Variants in COLEC12 observed in about 807,000 individuals in gnomAD.
COLEC12 encodes collectin subfamily member 12, also known as collectin-12.
Under a neutral mutation model 71.1 loss-of-function variants are expected in COLEC12, and 33 were observed. The ratio of observed to expected loss-of-function variants is 0.46; its 90% CI spans 0.35 to 0.62. The LOEUF (loss-of-function observed/expected upper bound fraction) is 0.62, where lower values mean the gene tolerates loss of function less well. Ranked by LOEUF, COLEC12 falls within the 20% of genes least tolerant of loss-of-function variation. The probability of loss-of-function intolerance (pLI) is 0.00; values close to 1 mark genes in which losing one functional copy is unlikely to be tolerated. For synonymous variants in COLEC12, 350 were observed against 353.0 expected (o/e 0.99, Z 0.10); for missense variants, 765 against 916.1 (o/e 0.84, Z 2.13).
chr18:391,251 C>A lies in COLEC12; in HGVS notation c.59-33729G>T, dbSNP rs149930307. Among the ~76,000 whole-genome samples, 1,356 of 152,256 alleles carry A rather than the reference C, an allele frequency of 8.9e-3. 21 individuals are homozygous for A. The highest frequency in any genetic ancestry group is 0.03 in the African/African-American group (1,260 of 41,542). On this transcript the variant is annotated intron_variant, in intron 2 of 9. Coordinates refer to ENST00000400256, the MANE Select transcript of COLEC12 (RefSeq NM_130386.3). ...AAAGAGACTCAGGAGATTACACATT[C>A]TCTTATTTTAGGAGTGTGTGCAGGT...
At chr18:494,753 TG>T (rs1026165922) in intron 1 of COLEC12, among the ~76,000 whole-genome samples, 2 of 152,202 alleles carry the variant, frequency 1.3e-5, no homozygotes, top group Non-Finnish European at 1.5e-5. Flanking sequence ...AGAAAATGAC[TG>T]GGGCAAAAGA....
rs1914376237 is a variant in COLEC12, at chr18:346,565, T to G, written c.1057A>C (p.Thr353Pro). The G allele has an allele frequency of 6.2e-7, 1 of 1,614,126 alleles. No homozygotes were observed. Among genetic ancestry groups the G allele is most frequent in the East Asian group, 2.2e-5 (1 of 44,900 alleles). ...IVNIISNISY[T>P]AHHLRTLTSN... The stretch of plus-strand genomic sequence containing the variant: ...GTCAGCGTCCGCAGGTGGTGGGCTG[T>G]GTAACTGATATTGCTAATGATGTTC... Residue 353 changes from threonine (T) to proline (P), a missense_variant, in exon 5 of 10, where the codon ACA becomes CCA. Coordinates refer to ENST00000400256, the MANE Select transcript of COLEC12 (RefSeq NM_130386.3). This position sits in a 1 kb window ranked among gnomAD's most constrained non-coding sequence, Gnocchi z 4.0.
intron 2 of COLEC12, among the ~76,000 whole-genome samples, chr18:420,109 G>A (rs1198695140): frequency 6.6e-6 from 1 of 152,212 alleles, no homozygotes; most frequent in Non-Finnish European, 1.5e-5. Context: ...TTGTGGCGCA[G>A]AGGAGAGTTG....
intron 2 of COLEC12, among the ~76,000 whole-genome samples, chr18:439,664 CT>C (rs1300454587): frequency 1.3e-5 from 2 of 151,914 alleles, no homozygotes; most frequent in Non-Finnish European, 2.9e-5. Flanking sequence ...GTTAGAATGG[CT>C]GTTATAAAAA....
chr18:409,238 C>A (rs1915845739), intron 2 of COLEC12, among the ~76,000 whole-genome samples: 1 of 152,206 alleles, frequency 6.6e-6, no homozygotes, highest in Admixed American at 6.5e-5. Flanking sequence ...ATGGTTTAGG[C>A]TGTAAAAGAA....
intron 2 of COLEC12, among the ~76,000 whole-genome samples, chr18:407,905 C>G (rs1915821339): frequency 6.6e-6 from 1 of 152,238 alleles, no homozygotes; most frequent in African/African-American, 2.4e-5. Context: ...TGATCAGAAT[C>G]TCTGGGGAGT....
chr18:335,213 C>A lies in COLEC12; in HGVS notation c.1345G>T (p.Gly449Cys). Residue 449 changes from glycine to cysteine, a missense_variant, in exon 6 of 10, where the codon GGT becomes TGT. Coordinates refer to ENST00000400256, the MANE Select transcript of COLEC12 (RefSeq NM_130386.3). ...TGGGATCCTCTGTCACCTCTTGGAC[C>A]CCTGGGGCCCGGTGGACCTAAAGCA... The part of the protein sequence containing the change: ...TILQGPPGPR[G>C]PRGDRGSQGP... The A allele has an allele frequency of 6.3e-7, 1 of 1,598,072 alleles. No homozygotes were observed. Among genetic ancestry groups the A allele is most frequent in the African/African-American group, 1.4e-5 (1 of 73,574 alleles).
intron 2 of COLEC12, among the ~76,000 whole-genome samples, chr18:368,609 A>C (rs565780206): frequency 3.3e-5 from 5 of 152,058 alleles, no homozygotes; most frequent in South Asian, 2.1e-4. Context: ...TCAGGCCTGT[A>C]ATCCCAGAAC....
At chr18:357,219 T>C (rs1397369826) in intron 3 of COLEC12, among the ~76,000 whole-genome samples, 181 bp downstream of exon 3, 3 of 152,184 alleles carry the variant, frequency 2.0e-5, no homozygotes, top group African/African-American at 7.2e-5. Context: ...AATTACTATG[T>C]CCCCCCTTTC....
intron 2 of COLEC12, among the ~76,000 whole-genome samples, chr18:361,783 G>T (rs948299311): frequency 6.6e-6 from 1 of 152,188 alleles, no homozygotes; most frequent in African/African-American, 2.4e-5. Flanking sequence ...CGACAGACAC[G>T]GGGTGCTGGC....
intron 2 of COLEC12, among the ~76,000 whole-genome samples, chr18:402,583 C>T (rs1396688050): frequency 6.6e-6 from 1 of 152,140 alleles, no homozygotes; most frequent in Non-Finnish European, 1.5e-5. Flanking sequence ...TCCTCTGCTG[C>T]ACCTGGGAAA....
In COLEC12 at chr18:346,734, C is replaced by G; in HGVS notation, c.888G>C (p.Gln296His). 6.2e-7 allele frequency: 1 copy of G among 1,614,238 alleles called. No individual in the cohort carries two copies. Among genetic ancestry groups the G allele is most frequent in the East Asian group, 2.2e-5 (1 of 44,892 alleles). The part of the protein sequence containing the change: ...MNSQLNSFTG[Q>H]MENITTISQA... ...GAGAGATAGTGGTGATGTTCTCCAT[C>G]TGACCTGTGAATGAGTTGAGCTGGC... Residue 296 changes from glutamine to histidine, a missense_variant, in exon 5 of 10, where the codon CAG becomes CAC. By Grantham distance (24) the Gln-to-His change is conservative. Coordinates refer to ENST00000400256, the MANE Select transcript of COLEC12 (RefSeq NM_130386.3). The surrounding 1 kb of genome is among the most constrained non-coding windows in gnomAD (Gnocchi z 4.0).
At chr18:404,763 T>C (rs1341366874) in intron 2 of COLEC12, among the ~76,000 whole-genome samples, 2 of 152,192 alleles carry the variant, frequency 1.3e-5, no homozygotes, top group African/African-American at 2.4e-5. Flanking sequence ...ACTGTACAAA[T>C]TGATTGTAAA....
rs1294455584 is a variant in COLEC12 at position 321,730 on chromosome 18, G to T, written c.2141C>A (p.Ala714Asp). Residue 714 changes from alanine (A) to aspartate (D), a missense_variant, in exon 9 of 10, where the codon GCT becomes GAT. Ala to Asp is a moderately radical substitution (Grantham distance 126, BLOSUM62 -2). Transcript: ENST00000400256. Reference sequence around the variant, plus strand: ...ACATTGGAAATCGTTCCACTGCCCAGCATAAATCAACCCAGCACAGTCTTC... The same window carrying T: ...ACATTGGAAATCGTTCCACTGCCCATCATAAATCAACCCAGCACAGTCTTC... ...PGEDCAGLIYAGQWNDFQCED... is the reference protein window; with the variant it reads ...PGEDCAGLIYDGQWNDFQCED... 6.2e-7 allele frequency: 1 copy of T among 1,614,216 alleles called. No individual in the cohort carries two copies. The highest frequency in any genetic ancestry group is 1.7e-5 in the Admixed American group (1 of 60,030).
chr18:461,392 T>C (rs1307188285), intron 2 of COLEC12, among the ~76,000 whole-genome samples: 1 of 152,214 alleles, frequency 6.6e-6, no homozygotes, highest in Non-Finnish European at 1.5e-5. Context: ...AAAATTTTAA[T>C]TTTTATCTTT....
chr18:432,268 C>A (rs939567933), intron 2 of COLEC12, among the ~76,000 whole-genome samples: 1 of 152,116 alleles, frequency 6.6e-6, no homozygotes, highest in Non-Finnish European at 1.5e-5. Flanking sequence ...CTGAGACCTA[C>A]ATTAAAATAT....
chr18:343,121 A>AT (rs1914294057), intron 5 of COLEC12, among the ~76,000 whole-genome samples: 1 of 151,938 alleles, frequency 6.6e-6, no homozygotes. Context: ...ACCCCCTACC[A>AT]TGTGTTCAAT....
At chr18:406,248 G>A (rs377711216) in intron 2 of COLEC12, among the ~76,000 whole-genome samples, 1 of 152,120 alleles carries the variant, frequency 6.6e-6, no homozygotes, top group African/African-American at 2.4e-5. Context: ...AGTGGCTCAC[G>A]CCTGTAATCC....
intron 2 of COLEC12, among the ~76,000 whole-genome samples, chr18:369,954 C>T (rs1914964492): frequency 6.6e-6 from 1 of 152,022 alleles, no homozygotes; most frequent in Non-Finnish European, 1.5e-5. Flanking sequence ...AGAGCAACCC[C>T]GATCTGGAAG....
Sources: gnomAD v4.1 joint callset for allele counts (sites outside exome capture counted in the v4.1 genomes callset) on GRCh38, gnomAD v4.1.1 for gene constraint, Gnocchi (gnomAD v3.1) non-coding constraint, MANE v1.5 for transcripts, NCBI Gene and HGNC (gene_info 2026-07-23, HGNC 2026-07-21) for gene names.